Variants in ATXN7L2 observed in about 807,000 individuals in gnomAD.
The protein encoded by ATXN7L2 is ataxin 7 like 2.
ATXN7L2 carries 17 observed loss-of-function variants against 59.6 expected under a neutral mutation model. The ratio of observed to expected loss-of-function variants is 0.29; its 90% confidence interval spans 0.20 to 0.43. ATXN7L2 has a LOEUF of 0.43. Among genes scored for constraint, ATXN7L2 ranks in the 20% least tolerant of loss-of-function variants. The probability of loss-of-function intolerance (pLI) is 1.00; values close to 1 mark genes in which losing one functional copy is unlikely to be tolerated. For synonymous variants in ATXN7L2, 378 were observed against 392.5 expected (o/e 0.96, Z 0.44); for missense variants, 858 against 1,008.9 (o/e 0.85, Z 2.03).
intron 9 of ATXN7L2, 32 bp from the exon 10 acceptor site, chr1:109,490,890 G>C (rs566765414): frequency 6.5e-7 from 1 of 1,528,090 alleles, no homozygotes; most frequent in Non-Finnish European, 8.8e-7. Context: ...TTGTTTCTTG[G>C]CAGTCACAGT....
Position 109,484,091 on chromosome 1 carries a change from C to A in ATXN7L2, c.127+11C>A. 1 of 1,506,260 alleles carries A rather than the reference C, an allele frequency of 6.6e-7. No individual in the cohort carries two copies. The highest frequency in any genetic ancestry group is 8.9e-7 in the Non-Finnish European group (1 of 1,122,994). The allele number at this position is 1,506,260 out of a possible 1,614,324, so 93.3% of individuals were successfully genotyped here. ...TGCCCGCGGCTGACGGTGAGTAAAG[C>A]CACCCTAAAGTCCGGGGACCCCATC... On this transcript the variant is annotated intron_variant, in intron 1 of 10. Transcript: ENST00000683729.
At chr1:109,489,814 G>T (rs1275973961) in intron 7 of ATXN7L2, 116 bp from the exon 8 acceptor site, 3 of 1,028,320 alleles carry the variant, frequency 2.9e-6, no homozygotes, top group African/African-American at 3.2e-5. Flanking sequence ...TCTTCTGATT[G>T]CCCTGCAGGG....
chr1:109,491,277 C>T lies in ATXN7L2; in HGVS notation c.1810C>T (p.Arg604Trp). The T allele has an allele frequency of 6.2e-7, 1 of 1,614,234 alleles. No individual in the cohort carries two copies. Among genetic ancestry groups the T allele is most frequent in the Non-Finnish European group, 8.5e-7 (1 of 1,180,040 alleles). The change falls in exon 10 of 11, where the codon CGG becomes TGG. Residue 604 changes from arginine to tryptophan, a missense_variant. By Grantham distance (101) the Arg-to-Trp change is moderately radical. Around this residue, in one of 3 missense-constraint regions of ATXN7L2, gnomAD observed 734 missense variants for 862.3 expected, o/e 0.85. Transcript: ENST00000683729. The surrounding 1 kb of genome is among the most constrained non-coding windows in gnomAD (Gnocchi z 4.1). ...GGAGGTGGAGGCCCCTTCTCGAAAGCGGAAGTTATCCCCTGGCCCTACCAC... is the reference window on the plus strand; with the variant it reads ...GGAGGTGGAGGCCCCTTCTCGAAAGTGGAAGTTATCCCCTGGCCCTACCAC... ...GVEVEAPSRK[R>W]KLSPGPTTLK...
rs1377653489 is a variant in ATXN7L2, at chr1:109,488,275, C to T, written c.797-108C>T. 1.4e-5 allele frequency: 9 copies of T among 627,576 alleles called. No individual in the cohort carries two copies. The highest frequency in any genetic ancestry group is 1.3e-4 in the South Asian group (6 of 45,336). The allele number at this position is 627,576 out of a possible 1,614,324, so 38.9% of individuals were successfully genotyped here. ...ACAGCCCCAGGCTGAGGGCTGGAGT[C>T]TCTTCTGCCTTAGTACCAGTTCTCA... On this transcript the variant is annotated intron_variant, in intron 5 of 10. Coordinates refer to ENST00000683729, the MANE Select transcript of ATXN7L2 (RefSeq NM_001350175.2). This position sits in a 1 kb window ranked among gnomAD's most constrained non-coding sequence, Gnocchi z 5.0.
At chr1:109,487,442 G>A in intron 4 of ATXN7L2, 76 bp from the exon 5 acceptor site, 2 of 1,367,764 alleles carry the variant, frequency 1.5e-6, no homozygotes, top group Non-Finnish European at 1.9e-6. Context: ...GAAAGAGATG[G>A]CTCTGGGCTA....
Position 109,489,129 on chromosome 1 carries a change from C to G in ATXN7L2, c.1133+29C>G, listed in dbSNP as rs751205779. On this transcript the variant is annotated intron_variant, in intron 7 of 10. Transcript: ENST00000683729. ...CGTCTAGAATCCAACCCCTACCTCA[C>G]CTGGGGGTACTTGGCCCCTAAGCCA... 10 of 1,592,428 alleles carry G rather than the reference C, an allele frequency of 6.3e-6. No homozygotes were observed. The South Asian group carries it at 1.1e-4, about 18-fold the overall frequency.
At position 109,488,370 on chromosome 1, in the gene ATXN7L2, G is replaced by C; in HGVS notation, c.797-13G>C. On this transcript the variant is annotated splice_polypyrimidine_tract_variant and intron_variant, in intron 5 of 10. Transcript: ENST00000683729. The surrounding 1 kb of genome is among the most constrained non-coding windows in gnomAD (Gnocchi z 5.0). Reference sequence around the variant, plus strand: ...AATGGTCTTGAGGTTCATTGGAAGTGCTTTCCCCACAGGGAAGGAGTGCGA... The same window carrying C: ...AATGGTCTTGAGGTTCATTGGAAGTCCTTTCCCCACAGGGAAGGAGTGCGA... 1 of 1,590,198 alleles carries C rather than the reference G, an allele frequency of 6.3e-7. No homozygotes were observed. Among genetic ancestry groups the C allele is most frequent in the South Asian group, 1.1e-5 (1 of 87,928 alleles).
intron 1 of ATXN7L2, chr1:109,485,278 GGGAT>G (rs1656498544): frequency 1.0e-6 from 1 of 982,962 alleles, no homozygotes; most frequent in Admixed American, 6.2e-5. Context: ...GAGAGGTAGG[GGGAT>G]GGGGAAAAAG....
chr1:109,488,786 C>A lies in ATXN7L2; in HGVS notation c.880-61C>A. ...ACTTGCCCGGGCCAAAGCACCCTGC[C>A]GTCCCTCACCCCTTCTCAGTTCATA... On this transcript the variant is annotated intron_variant, in intron 6 of 10. Coordinates refer to ENST00000683729, the MANE Select transcript of ATXN7L2 (RefSeq NM_001350175.2). This position sits in a 1 kb window ranked among gnomAD's most constrained non-coding sequence, Gnocchi z 5.0. 1 of 1,556,186 alleles carries A rather than the reference C, an allele frequency of 6.4e-7. No individual in the cohort carries two copies. Among genetic ancestry groups the A allele is most frequent in the Non-Finnish European group, 8.7e-7 (1 of 1,144,880 alleles).
intron 1 of ATXN7L2, 133 bp downstream of exon 1, chr1:109,484,213 G>T: frequency 2.1e-5 from 21 of 992,240 alleles, no homozygotes; most frequent in Non-Finnish European, 2.6e-5. Context: ...CAAAGGACCC[G>T]CCGGGTCCTA....
At position 109,491,896 on chromosome 1, in the gene ATXN7L2, T is replaced by C; in HGVS notation, c.2250+179T>C. 1.7e-6 allele frequency: 2 copies of C among 1,194,038 alleles called. No homozygotes were observed. Among genetic ancestry groups the C allele is most frequent in the Non-Finnish European group, 2.3e-6 (2 of 888,092 alleles). 74.0% of individuals were successfully genotyped at this position (1,194,038 alleles called of 1,614,324 possible). A position where few individuals can be genotyped will look rare whatever the true frequency, so the allele number is the denominator to read the frequency against. On this transcript the variant is annotated intron_variant, in intron 10 of 10. Coordinates refer to ENST00000683729, the MANE Select transcript of ATXN7L2 (RefSeq NM_001350175.2). The surrounding 1 kb of genome is among the most constrained non-coding windows in gnomAD (Gnocchi z 4.1). ...GTTCTTAGCAAAGTGACTCCAGCTT[T>C]TTGCCTGGTGAACCTTCCCCTATCC...
At position 109,489,063 on chromosome 1, in the gene ATXN7L2, C is replaced by T. The variant is rs1397595382; in HGVS notation, c.1096C>T (p.Arg366Cys). Residue 366 changes from arginine (R) to cysteine (C), a missense_variant, in exon 7 of 11, where the codon CGT becomes TGT. Physicochemically the swap from Arg to Cys is radical, Grantham distance 180. This residue lies in a region of ATXN7L2 where 734 missense variants were observed against 862.3 expected (regional missense o/e 0.85). Coordinates refer to ENST00000683729, the MANE Select transcript of ATXN7L2 (RefSeq NM_001350175.2). ...TGCTCCCAGCAGCACCTTCTCTGTT[C>T]GTGCCAAGCAGACCTACCCATACTG... is the stretch of plus-strand genomic sequence containing the variant. ...VAAPSSTFSV[R>C]AKQTYPYCAL... 1.4e-5 allele frequency: 23 copies of T among 1,614,028 alleles called. No individual in the cohort carries two copies. The highest frequency in any genetic ancestry group is 4.4e-5 in the South Asian group (4 of 91,074).
In ATXN7L2 at chr1:109,490,366, A is replaced by G; in HGVS notation, c.1428A>G (p.Glu476=). 6.2e-7 allele frequency: 1 copy of G among 1,613,618 alleles called. No individual in the cohort carries two copies. The highest frequency in any genetic ancestry group is 8.5e-7 in the Non-Finnish European group (1 of 1,179,998). The change falls in exon 9 of 11, where the codon GAA becomes GAG. Residue 476 remains glutamate (E), a synonymous_variant. Coordinates refer to ENST00000683729, the MANE Select transcript of ATXN7L2 (RefSeq NM_001350175.2). ...GCTCAGCACTCAGCTCCATGCTGGA[A>G]CGGCACCTCAGCACACACATGTGGA... ...RFCSALSSML[E]RHLSTHMWKK...
chr1:109,491,686 T>A lies in ATXN7L2; in HGVS notation c.2219T>A (p.Leu740Gln). The change falls in exon 10 of 11, where the codon CTG becomes CAG. Residue 740 changes from leucine to glutamine, a missense_variant. Transcript: ENST00000683729. This position sits in a 1 kb window ranked among gnomAD's most constrained non-coding sequence, Gnocchi z 4.1. ...CGCCGCAAGAAGCCAGGCCCGGCCC[T>A]GGCCTTTGAGGAGAAGTGCTCTACA... is the stretch of plus-strand genomic sequence containing the variant. ...SVRRKKPGPALAFEEKCSTLK... is the reference protein window; with the variant it reads ...SVRRKKPGPAQAFEEKCSTLK... The A allele has an allele frequency of 3.7e-6, 6 of 1,607,872 alleles. No individual in the cohort carries two copies. Among genetic ancestry groups the A allele is most frequent in the Non-Finnish European group, 5.1e-6 (6 of 1,176,728 alleles).
In ATXN7L2 at chr1:109,491,451, C is replaced by T. The variant is rs201984564; in HGVS notation, c.1984C>T (p.Arg662Cys). 33 of 1,613,956 alleles carry T rather than the reference C, an allele frequency of 2.0e-5. No individual in the cohort carries two copies. Among genetic ancestry groups the T allele is most frequent in the Non-Finnish European group, 2.5e-5 (30 of 1,180,060 alleles). Reference protein sequence around the residue: ...RVKRAGPLDCRGSPHQLPTPV... With the variant: ...RVKRAGPLDCCGSPHQLPTPV... ...GAAGCGGGCAGGGCCCCTGGACTGT[C>T]GTGGCTCCCCTCATCAGCTCCCCAC... The change falls in exon 10 of 11, where the codon CGT becomes TGT. Residue 662 changes from arginine to cysteine, a missense_variant. Transcript: ENST00000683729. The surrounding 1 kb of genome is among the most constrained non-coding windows in gnomAD (Gnocchi z 4.1).
Position 109,491,001 on chromosome 1 carries a change from G to A in ATXN7L2, c.1534G>A (p.Gly512Ser), listed in dbSNP as rs1657008443. ...TGCTCCCCTGAGCCCATCCTCTACA[G>A]GCACCTGCCCCCGCCTTCCAGGTCC... ...LSAPLSPSST[G>S]TCPRLPGPTL... Residue 512 changes from glycine (G) to serine (S), a missense_variant, in exon 10 of 11, where the codon GGC becomes AGC. Gly to Ser is a moderately conservative substitution (Grantham distance 56). Around this residue, in one of 3 missense-constraint regions of ATXN7L2, gnomAD observed 734 missense variants for 862.3 expected, o/e 0.85. Transcript: ENST00000683729. The surrounding 1 kb of genome is among the most constrained non-coding windows in gnomAD (Gnocchi z 4.1). 6.2e-7 allele frequency: 1 copy of A among 1,613,122 alleles called. No homozygotes were observed.
Position 109,488,273 on chromosome 1 carries a change from GTC to G in ATXN7L2, c.797-106_797-105del, listed in dbSNP as rs72074532. 231,154 of 1,024,898 alleles carry G rather than the reference GTC, an allele frequency of 0.23. 27,559 individuals are homozygous for G. The highest frequency in any genetic ancestry group is 0.24 in the Non-Finnish European group (164,006 of 669,546). The allele number at this position is 1,024,898 out of a possible 1,614,324, so 63.5% of individuals were successfully genotyped here. A position where few individuals can be genotyped will look rare whatever the true frequency, so the allele number is the denominator to read the frequency against. ...GTACAGCCCCAGGCTGAGGGCTGGA[GTC>G]TCTTCTGCCTTAGTACCAGTTCTCA... On this transcript the variant is annotated intron_variant, in intron 5 of 10. Coordinates refer to ENST00000683729, the MANE Select transcript of ATXN7L2 (RefSeq NM_001350175.2). This position sits in a 1 kb window ranked among gnomAD's most constrained non-coding sequence, Gnocchi z 5.0.
chr1:109,489,123 A>G (rs763650004), intron 7 of ATXN7L2, 23 bp downstream of exon 7: 1 of 1,597,118 alleles, frequency 6.3e-7, no homozygotes, highest in Non-Finnish European at 8.6e-7. Flanking sequence ...TCCAACCCCT[A>G]CCTCACCTGG....
At chr1:109,484,715 T>C (rs1160644275) in intron 1 of ATXN7L2, among the ~76,000 whole-genome samples, 1 of 152,156 alleles carries the variant, frequency 6.6e-6, no homozygotes, top group Non-Finnish European at 1.5e-5. Context: ...CTGAGTGCCT[T>C]AGTGAGCGGG....
Sources: allele counts gnomAD v4.1 joint callset (sites outside exome capture counted in the v4.1 genomes callset), GRCh38; gene constraint gnomAD v4.1.1; regional missense constraint gnomAD v4.1.1; non-coding constraint Gnocchi (gnomAD v3.1); transcripts MANE v1.5; gene names NCBI Gene and HGNC (gene_info 2026-07-23, HGNC 2026-07-21).